The following PDSS2 variants were observed in gnomAD, a reference collection of about 807,000 sequenced individuals.
PDSS2 encodes all trans-polyprenyl-diphosphate synthase PDSS2.
PDSS2 carries 31 observed loss-of-function variants against 44.5 expected under a neutral mutation model. That is an observed-to-expected ratio of 0.70 (90% CI 0.52 to 0.94). The LOEUF (loss-of-function observed/expected upper bound fraction) is 0.94, where lower values mean the gene tolerates loss of function less well. Among genes scored for constraint, PDSS2 ranks in the 40% least tolerant of loss-of-function variants. PDSS2 has a pLI of 0.00. For missense variants in PDSS2, 452 were observed against 482.2 expected (o/e 0.94, Z 0.59); for synonymous variants, 157 against 180.3 (o/e 0.87, Z 1.03).
At chr6:107,347,062 G>C (rs1562478226) in intron 1 of PDSS2, among the ~76,000 whole-genome samples, 1 of 152,022 alleles carries the variant, frequency 6.6e-6, no homozygotes, top group African/African-American at 2.4e-5. Flanking sequence ...GTGCTGTCCA[G>C]GTTAAAACAA....
At chr6:107,186,225 A>ATAT (rs1772158718) in intron 7 of PDSS2, among the ~76,000 whole-genome samples, 1 of 152,222 alleles carries the variant, frequency 6.6e-6, no homozygotes, top group Non-Finnish European at 1.5e-5. Flanking sequence ...GTACTACAGC[A>ATAT]GTGTAAAGCA....
intron 2 of PDSS2, among the ~76,000 whole-genome samples, chr6:107,303,714 C>T (rs141642733): frequency 5.8e-4 from 89 of 152,210 alleles, no homozygotes; most frequent in African/African-American, 2.0e-3. Flanking sequence ...TCTCCAGACC[C>T]CACTAAAAAC....
intron 3 of PDSS2, among the ~76,000 whole-genome samples, chr6:107,261,578 C>CTTTTTTT (rs36106088): frequency 8.8e-4 from 99 of 112,774 alleles, no homozygotes; most frequent in East Asian, 2.0e-3. Context: ...TCTTTTCTTT[C>CTTTTTTT]TTTTTTTTTT....
intron 7 of PDSS2, among the ~76,000 whole-genome samples, chr6:107,181,391 G>A (rs1478235159): frequency 6.6e-6 from 1 of 151,492 alleles, no homozygotes; most frequent in East Asian, 2.0e-4. Context: ...AATGTAGCCT[G>A]GCATGGCAGT....
chr6:107,444,062 T>G (rs1046056986), intron 1 of PDSS2, among the ~76,000 whole-genome samples: 2 of 152,184 alleles, frequency 1.3e-5, no homozygotes, highest in African/African-American at 4.8e-5. Context: ...AAGATCTCAC[T>G]CTGTCGCCCA....
chr6:107,403,255 A>T (rs1038926664), intron 1 of PDSS2, among the ~76,000 whole-genome samples: 2 of 151,868 alleles, frequency 1.3e-5, no homozygotes, highest in Non-Finnish European at 2.9e-5. Flanking sequence ...TTCCAAAATG[A>T]CCTCCTTTGA....
At chr6:107,399,416 C>T (rs985739274) in intron 1 of PDSS2, among the ~76,000 whole-genome samples, 5 of 152,172 alleles carry the variant, frequency 3.3e-5, no homozygotes, top group African/African-American at 1.2e-4. Flanking sequence ...ACCAATGCAT[C>T]TTCTTCACAG....
In PDSS2 at chr6:107,193,841, C is replaced by T; in HGVS notation, c.1022G>A (p.Gly341Glu). The T allele has an allele frequency of 6.4e-7, 1 of 1,567,716 alleles. No homozygotes were observed. Among genetic ancestry groups the T allele is most frequent in the East Asian group, 2.2e-5 (1 of 44,588 alleles). The stretch of plus-strand genomic sequence containing the variant: ...GCCTACCTTAGCATAGTCCAATCTT[C>T]CTTTTTCTTGAGCCTACAAAAGAAG... ...IKQIGEAQEK[G>E]RLDYAKLRER... Residue 341 changes from glycine (G) to glutamate (E), a missense_variant, in exon 7 of 8, where the codon GGA becomes GAA. Gly to Glu is a moderately conservative substitution (Grantham distance 98). Transcript: ENST00000369037.
chr6:107,206,777 G>C (rs1309574693), intron 6 of PDSS2, among the ~76,000 whole-genome samples: 1 of 152,148 alleles, frequency 6.6e-6, no homozygotes, highest in South Asian at 2.1e-4. Flanking sequence ...CAGCTCATAA[G>C]GGCTGGACAA....
chr6:107,349,387 C>T (rs1302195944), intron 1 of PDSS2, among the ~76,000 whole-genome samples: 1 of 151,392 alleles, frequency 6.6e-6, no homozygotes, highest in Non-Finnish European at 1.5e-5. Context: ...GAGCCGAGAT[C>T]GCGCCACTGC....
chr6:107,375,246 TAAAACAGAAAACAGAAAAAC>T (rs372881377), intron 1 of PDSS2, among the ~76,000 whole-genome samples: 26 of 151,852 alleles, frequency 1.7e-4, no homozygotes, highest in African/African-American at 6.0e-4. Context: ...CAAAAATTGA[TAAAACAGAAAACAGAAAAAC>T]AAAAGAGAAA....
At position 107,453,916 on chromosome 6, in the gene PDSS2, T is replaced by C. The variant is rs192608561; in HGVS notation, c.296+5074A>G. On this transcript the variant is annotated intron_variant, in intron 1 of 7. Coordinates refer to ENST00000369037, the MANE Select transcript of PDSS2 (RefSeq NM_020381.4). ...GGAGTCCCAATTTCTCCATGAAAGG[T>C]TCTCTACTATTCCAAGCCATCTCTC... Among the ~76,000 whole-genome samples the C allele has an allele frequency of 1.7e-4, 26 of 152,264 alleles. No homozygotes were observed. The East Asian group carries it at 5.0e-3, about 29-fold the overall frequency.
chr6:107,168,103 T>C (rs1285419119), intron 7 of PDSS2, among the ~76,000 whole-genome samples: 1 of 152,182 alleles, frequency 6.6e-6, no homozygotes, highest in Non-Finnish European at 1.5e-5. Context: ...TATTATTGTG[T>C]GGGAGTCTAA....
At chr6:107,158,794 C>A (rs1272155561) in intron 7 of PDSS2, among the ~76,000 whole-genome samples, 1 of 151,732 alleles carries the variant, frequency 6.6e-6, no homozygotes, top group African/African-American at 2.4e-5. Context: ...AATGGTGCAA[C>A]CTCGACTCAC....
intron 1 of PDSS2, among the ~76,000 whole-genome samples, chr6:107,372,748 G>A (rs949003492): frequency 9.2e-5 from 14 of 151,864 alleles, no homozygotes; most frequent in Non-Finnish European, 1.3e-4. Flanking sequence ...CACTGCGCCC[G>A]GCCCTAGTAT....
chr6:107,156,557 A>G (rs529671101), intron 7 of PDSS2, among the ~76,000 whole-genome samples: 1 of 152,316 alleles, frequency 6.6e-6, no homozygotes, highest in Non-Finnish European at 1.5e-5. Context: ...GGTTAGGCAC[A>G]GGGGCAGTCT....
At position 107,203,693 on chromosome 6, in the gene PDSS2, A is replaced by G. The variant is rs141848482; in HGVS notation, c.1008+6746T>C. On this transcript the variant is annotated intron_variant, in intron 6 of 7. Transcript: ENST00000369037. ...AAAATTAATCATTTTAATCATTTAA[A>G]ACAGTATAATTCAGTGGCATTTAGT... is the stretch of plus-strand genomic sequence containing the variant. 7.4e-4 allele frequency among the ~76,000 whole-genome samples: 113 copies of G among 152,274 alleles called. 2 individuals are homozygous for G. Among genetic ancestry groups the G allele is most frequent in the African/African-American group, 2.5e-3 (106 of 41,576 alleles).
At chr6:107,237,587 G>T (rs144728065) in intron 4 of PDSS2, among the ~76,000 whole-genome samples, 1 of 151,220 alleles carries the variant, frequency 6.6e-6, no homozygotes, top group African/African-American at 2.4e-5. Flanking sequence ...GCCTGAGAGC[G>T]AAAGGAACAT....
At chr6:107,364,267 G>A (rs1306934174) in intron 1 of PDSS2, among the ~76,000 whole-genome samples, 1 of 152,362 alleles carries the variant, frequency 6.6e-6, no homozygotes, top group East Asian at 1.9e-4. Context: ...TTGGGTGGTC[G>A]ATGGGACTGG....
Sources: allele counts gnomAD v4.1 joint callset (sites outside exome capture counted in the v4.1 genomes callset), GRCh38; gene constraint gnomAD v4.1.1; transcripts MANE v1.5; gene names NCBI Gene and HGNC (gene_info 2026-07-23, HGNC 2026-07-21).